ROR2: variants seen among roughly 807,000 people sequenced by gnomAD.
The protein encoded by ROR2 is tyrosine-protein kinase transmembrane receptor ROR2.
In ROR2, 33 loss-of-function variants were observed where a neutral mutation model predicts 74.9. That is an observed-to-expected ratio of 0.44 (90% CI 0.33 to 0.59). ROR2 has a LOEUF of 0.59. Ranked by LOEUF, ROR2 falls within the 20% of genes least tolerant of loss-of-function variation. ROR2 has a pLI of 0.02. For synonymous variants in ROR2, 586 were observed against 558.7 expected (o/e 1.05, Z -0.69); for missense variants, 1,216 against 1,313.8 (o/e 0.93, Z 1.15).
intron 1 of ROR2, among the ~76,000 whole-genome samples, chr9:91,903,813 G>A (rs533836525): frequency 1.4e-3 from 217 of 152,286 alleles, no homozygotes; most frequent in Middle Eastern, 3.4e-3. Context: ...GTCGTGGAGA[G>A]AGTCCACGGC....
intron 1 of ROR2, among the ~76,000 whole-genome samples, chr9:91,776,819 C>T (rs1006113392): frequency 1.4e-5 from 2 of 146,468 alleles, no homozygotes; most frequent in African/African-American, 2.5e-5. Context: ...GCACTATATA[C>T]ACACATCGAA....
At chr9:91,857,575 C>A (rs555365959) in intron 1 of ROR2, among the ~76,000 whole-genome samples, 1 of 152,316 alleles carries the variant, frequency 6.6e-6, no homozygotes, top group South Asian at 2.1e-4. Context: ...GTGTGCAGAG[C>A]AGTGCCTGAC....
At chr9:91,939,045 T>C (rs905801038) in intron 1 of ROR2, among the ~76,000 whole-genome samples, 3 of 152,060 alleles carry the variant, frequency 2.0e-5, no homozygotes, top group African/African-American at 7.2e-5. Context: ...GATCAGGAGA[T>C]CTGGAGCATC....
intron 1 of ROR2, among the ~76,000 whole-genome samples, chr9:91,900,244 G>T (rs1004213600): frequency 6.6e-6 from 1 of 152,210 alleles, no homozygotes; most frequent in African/African-American, 2.4e-5. Context: ...CAGCAGCCTC[G>T]CATCCAGAGG....
intron 1 of ROR2, among the ~76,000 whole-genome samples, chr9:91,880,316 A>G (rs570307728): frequency 1.2e-4 from 18 of 152,310 alleles, no homozygotes; most frequent in African/African-American, 3.8e-4. Flanking sequence ...AGGATGAAAT[A>G]AATTTCCATT....
At chr9:91,816,301 C>T (rs1045516923) in intron 1 of ROR2, among the ~76,000 whole-genome samples, 2 of 152,162 alleles carry the variant, frequency 1.3e-5, no homozygotes, top group Non-Finnish European at 2.9e-5. Context: ...AATCAGATCA[C>T]ATCTCCTCCT....
In ROR2 at chr9:91,731,107, C is replaced by T. The variant is rs371221714; in HGVS notation, c.986G>A (p.Ser329Asn). 7.9e-5 allele frequency: 128 copies of T among 1,614,142 alleles called. 1 individual carries two copies. In the East Asian group the frequency reaches 2.4e-3, roughly 31 times the overall value. ...GCACTGGTGGCCTGACTTGGTGGTG[C>T]TTGCCGTTCCTCTGTAATCCATGCC... ...GSGMDYRGTA[S>N]TTKSGHQCQP... The change falls in exon 7 of 9, where the codon AGC (serine) becomes AAC (asparagine). Residue 329 changes from serine to asparagine, a missense_variant. By Grantham distance (46) the Ser-to-Asn change is conservative. Transcript: ENST00000375708.
chr9:91,775,771 C>A lies in ROR2; in HGVS notation c.145G>T (p.Gly49Trp), dbSNP rs1826398060. The change falls in exon 2 of 9, where the codon GGG becomes TGG. Residue 49 changes from glycine (G) to tryptophan (W), a missense_variant. By Grantham distance (184) the Gly-to-Trp change is radical. Coordinates refer to ENST00000375708, the MANE Select transcript of ROR2 (RefSeq NM_004560.4). ...DPNDPLGPLD[G>W]QDGPIPTLKG... ...AGAGTTGGAATCGGGCCGTCCTGCC[C>A]ATCAAGGGGTCCTAAAGGGTCGTTC... 1.9e-6 allele frequency: 3 copies of A among 1,614,192 alleles called. No individual in the cohort carries two copies. Among genetic ancestry groups the A allele is most frequent in the Non-Finnish European group, 2.5e-6 (3 of 1,180,040 alleles).
In ROR2 at chr9:91,723,373, C is replaced by T. The variant is rs1342184094; in HGVS notation, c.*289G>A. The T allele has an allele frequency of 4.6e-6, 2 of 438,510 alleles. No homozygotes were observed. Among genetic ancestry groups the T allele is most frequent in the Non-Finnish European group, 8.2e-6 (2 of 244,908 alleles). 27.2% of individuals were successfully genotyped at this position (438,510 alleles called of 1,614,324 possible). Reference sequence around the variant, plus strand: ...TTGAAAGGCATTTGCTGCTCACTACCAGTCTACCACCAGAATCAATGTATA... The same window carrying T: ...TTGAAAGGCATTTGCTGCTCACTACTAGTCTACCACCAGAATCAATGTATA... On this transcript the variant is annotated 3_prime_UTR_variant, in exon 9 of 9. Transcript: ENST00000375708.
intron 1 of ROR2, among the ~76,000 whole-genome samples, chr9:91,890,540 G>T (rs1186970071): frequency 6.6e-6 from 1 of 152,062 alleles, no homozygotes; most frequent in Non-Finnish European, 1.5e-5. Flanking sequence ...ATAGTTTTTG[G>T]TTCAAAGAGG....
At chr9:91,809,514 T>C (rs1587739802) in intron 1 of ROR2, among the ~76,000 whole-genome samples, 1 of 152,186 alleles carries the variant, frequency 6.6e-6, no homozygotes, top group Admixed American at 6.5e-5. Context: ...CAGCTCTTAA[T>C]AAGCCACTGA....
intron 1 of ROR2, among the ~76,000 whole-genome samples, chr9:91,858,943 T>C (rs902653330): frequency 1.3e-4 from 20 of 152,116 alleles, no homozygotes; most frequent in African/African-American, 4.8e-4. Flanking sequence ...GCCCACCTCC[T>C]GAACACACAC....
chr9:91,809,890 A>T (rs1229145190), intron 1 of ROR2, among the ~76,000 whole-genome samples: 2 of 152,192 alleles, frequency 1.3e-5, no homozygotes, highest in African/African-American at 4.8e-5. Context: ...TGACTCAGCA[A>T]CAGTGTCCAG....
rs150089842 is a variant in ROR2 at position 91,724,565 on chromosome 9, G to A, written c.1929C>T (p.Ala643=). The change falls in exon 9 of 9, where the codon GCC becomes GCT. Residue 643 remains alanine, a synonymous_variant. Coordinates refer to ENST00000375708, the MANE Select transcript of ROR2 (RefSeq NM_004560.4). ...AGTTCCCCAGCAGCTTGTAGTAATC[G>A]GCGGCATACACCTCTCGGAAGAGGC... The part of the protein sequence containing the change: ...DLGLFREVYA[A]DYYKLLGNSL... The A allele has an allele frequency of 3.5e-5, 56 of 1,614,174 alleles. No individual in the cohort carries two copies. The highest frequency in any genetic ancestry group is 3.3e-4 in the Middle Eastern group (2 of 6,062).
chr9:91,907,010 C>G (rs564482585), intron 1 of ROR2, among the ~76,000 whole-genome samples: 1 of 152,298 alleles, frequency 6.6e-6, no homozygotes, highest in South Asian at 2.1e-4. Flanking sequence ...GCACACTTTA[C>G]ATCTTGCAAA....
intron 1 of ROR2, among the ~76,000 whole-genome samples, chr9:91,863,365 C>T (rs2119309065): frequency 6.6e-6 from 1 of 152,002 alleles, no homozygotes; most frequent in East Asian, 1.9e-4. Context: ...AGGTATACAA[C>T]CAAGAGAAAT....
intron 1 of ROR2, among the ~76,000 whole-genome samples, chr9:91,827,692 C>T (rs747893780): frequency 2.4e-4 from 37 of 152,156 alleles, no homozygotes; most frequent in Non-Finnish European, 4.0e-4. Context: ...ATGTACAGAT[C>T]GGTCCAATGT....
intron 1 of ROR2, among the ~76,000 whole-genome samples, chr9:91,802,078 T>G (rs1046941908): frequency 1.4e-5 from 2 of 146,140 alleles, no homozygotes; most frequent in Admixed American, 6.7e-5. Context: ...TTTTTTTTTT[T>G]TTTTTTTTTT....
chr9:91,829,460 G>A (rs1283700802), intron 1 of ROR2, among the ~76,000 whole-genome samples: 1 of 141,610 alleles, frequency 7.1e-6, no homozygotes, highest in Admixed American at 8.0e-5. Flanking sequence ...TGAAGCAGGA[G>A]AATCACTTGA....
Sources: allele counts gnomAD v4.1 joint callset (sites outside exome capture counted in the v4.1 genomes callset), GRCh38; gene constraint gnomAD v4.1.1; transcripts MANE v1.5; gene names NCBI Gene and HGNC (gene_info 2026-07-23, HGNC 2026-07-21).